The following APBB1 variants were observed in gnomAD, a reference collection of about 807,000 sequenced individuals.
APBB1 encodes adaptor protein FE65a2.
Under a neutral mutation model 78.4 loss-of-function variants are expected in APBB1, and 22 were observed. The ratio of observed to expected loss-of-function variants is 0.28; its 90% CI spans 0.20 to 0.40. APBB1 has a LOEUF of 0.40. Ranked by LOEUF, APBB1 falls within the 10% of genes least tolerant of loss-of-function variation. The pLI is 1.00. For missense variants in APBB1, 749 were observed against 932.4 expected, an observed-to-expected ratio of 0.80 and a Z score of 2.56; for synonymous variants, 369 against 372.7, an observed-to-expected ratio of 0.99 and a Z score of 0.12.
At chr11:6,396,486 G>T (rs185324417) in intron 12 of APBB1, 23 of 411,500 alleles carry the variant, frequency 5.6e-5, no homozygotes, top group Non-Finnish European at 7.8e-5. Flanking sequence ...CTTCTGAACT[G>T]ACTGACCTCT....
At position 6,401,833 on chromosome 11, in the gene APBB1, G is replaced by C. The variant is rs77776071; in HGVS notation, c.1388+144C>G. The stretch of plus-strand genomic sequence containing the variant: ...TCCCCCATAGGTGCTGCCTTCTTGG[G>C]GGGGAGGGGTAGACAGGCAAGCATG... On this transcript the variant is annotated intron_variant, in intron 9 of 14. Coordinates refer to ENST00000609360, the MANE Select transcript of APBB1 (RefSeq NM_001164.5). The surrounding 1 kb of genome is among the most constrained non-coding windows in gnomAD (Gnocchi z 4.5). 5.6e-5 allele frequency: 79 copies of C among 1,423,210 alleles called. No individual in the cohort carries two copies. Among genetic ancestry groups the C allele is most frequent in the East Asian group, 4.0e-4 (17 of 42,218 alleles). The allele number at this position is 1,423,210 out of a possible 1,614,324, so 88.2% of individuals were successfully genotyped here.
intron 6 of APBB1, 177 bp from the exon 7 acceptor site, chr11:6,402,902 C>T (rs1848604136): frequency 4.8e-6 from 4 of 837,716 alleles, no homozygotes; most frequent in Non-Finnish European, 7.3e-6. Context: ...TCAGATGAGA[C>T]CCCAGCTAGT....
Position 6,401,606 on chromosome 11 carries a change from T to A in APBB1, c.1471A>T (p.Ile491Phe), listed in dbSNP as rs757216770. 1 of 1,614,136 alleles carries A rather than the reference T, an allele frequency of 6.2e-7. No individual in the cohort carries two copies. The highest frequency in any genetic ancestry group is 8.5e-7 in the Non-Finnish European group (1 of 1,180,032). Reference protein sequence around the residue: ...VFRCEAPAKNIATSLHEICSK... With the variant: ...VFRCEAPAKNFATSLHEICSK... ...CAGATCTCATGCAGGCTGGTGGCGA[T>A]GTTCTTGGCAGGTGCCTCACAGCGA... Residue 491 changes from isoleucine (I) to phenylalanine (F), a missense_variant, in exon 10 of 15, where the codon ATC becomes TTC. Physicochemically the swap from Ile to Phe is conservative, Grantham distance 21. Coordinates refer to ENST00000609360, the MANE Select transcript of APBB1 (RefSeq NM_001164.5). This position sits in a 1 kb window ranked among gnomAD's most constrained non-coding sequence, Gnocchi z 4.5.
At chr11:6,402,287 A>T in intron 7 of APBB1, 78 bp from the exon 8 acceptor site, 2 of 1,571,126 alleles carry the variant, frequency 1.3e-6, no homozygotes, top group African/African-American at 1.3e-5. Flanking sequence ...AGCTCAGGGG[A>T]TGTTAGCCAC....
chr11:6,395,827 T>C lies in APBB1; in HGVS notation c.1924A>G (p.Asn642Asp). The change falls in exon 14 of 15, where the codon AAT becomes GAT. Residue 642 changes from asparagine to aspartate, a missense_variant. This residue lies in a region of APBB1 where 96 missense variants were observed against 116.0 expected (regional missense o/e 0.83). Coordinates refer to ENST00000609360, the MANE Select transcript of APBB1 (RefSeq NM_001164.5). This position sits in a 1 kb window ranked among gnomAD's most constrained non-coding sequence, Gnocchi z 5.2. The stretch of plus-strand genomic sequence containing the variant: ...ACAGCCTCTGAGAGGCTGGCAGCAT[T>C]GGGCTCGCACCAGAACATGTGGCAG... ...FCCHMFWCEP[N>D]AASLSEAVQA... 1.9e-6 allele frequency: 3 copies of C among 1,614,130 alleles called. No individual in the cohort carries two copies. The highest frequency in any genetic ancestry group is 2.5e-6 in the Non-Finnish European group (3 of 1,180,022).
At position 6,411,357 on chromosome 11, in the gene APBB1, A is replaced by G. The variant is rs548197160; in HGVS notation, c.-10T>C. The G allele has an allele frequency of 4.6e-6, 7 of 1,529,728 alleles. No individual in the cohort carries two copies. In the South Asian group the frequency reaches 9.1e-5, roughly 20 times the overall value. 94.8% of individuals were successfully genotyped at this position (1,529,728 alleles called of 1,614,324 possible). A position where few individuals can be genotyped will look rare whatever the true frequency, so the allele number is the denominator to read the frequency against. On this transcript the variant is annotated 5_prime_UTR_variant, in exon 2 of 15. Transcript: ENST00000609360. The surrounding 1 kb of genome is among the most constrained non-coding windows in gnomAD (Gnocchi z 5.2). The stretch of plus-strand genomic sequence containing the variant: ...ATGATGGAACAGACATGGCCTTGGC[A>G]GCTCCTGTGGGGTGCGGAGGGGAGA...
intron 2 of APBB1, 53 bp downstream of exon 2, chr11:6,410,574 T>C: frequency 2.0e-6 from 3 of 1,475,870 alleles, no homozygotes; most frequent in Non-Finnish European, 2.7e-6. Context: ...ATGAGAGTCC[T>C]AACCTCTGCC....
intron 2 of APBB1, among the ~76,000 whole-genome samples, chr11:6,407,317 C>T (rs1021651610): frequency 2.7e-4 from 41 of 152,166 alleles, no homozygotes; most frequent in Admixed American, 7.2e-4. Context: ...CCAGCAAACC[C>T]GCCCCAGCTC....
intron 1 of APBB1, among the ~76,000 whole-genome samples, chr11:6,414,137 C>T (rs1310313417): frequency 2.6e-5 from 4 of 152,272 alleles, no homozygotes; most frequent in East Asian, 1.9e-4. Flanking sequence ...TCCCCACCTC[C>T]CGCCTCCTTT....
intron 2 of APBB1, chr11:6,404,686 A>C (rs1848712649): frequency 6.5e-7 from 1 of 1,535,368 alleles, no homozygotes. Flanking sequence ...GCGTCCTCTA[A>C]CTCTTCTCTC....
At chr11:6,397,646 T>C (rs556628492) in intron 12 of APBB1, among the ~76,000 whole-genome samples, 25 of 152,330 alleles carry the variant, frequency 1.6e-4, no homozygotes, top group Middle Eastern at 3.4e-3. Context: ...TAGGAAGCCA[T>C]GCCTGCTGCA....
intron 2 of APBB1, among the ~76,000 whole-genome samples, chr11:6,408,641 A>C (rs1288542596): frequency 6.6e-6 from 1 of 151,888 alleles, no homozygotes; most frequent in Non-Finnish European, 1.5e-5. Context: ...AGTAGCTGGG[A>C]TTACAGGCGT....
Position 6,410,658 on chromosome 11 carries a change from G to A in APBB1, c.690C>T (p.Gly230=). 1 of 1,518,604 alleles carries A rather than the reference G, an allele frequency of 6.6e-7. No homozygotes were observed. Among genetic ancestry groups the A allele is most frequent in the Non-Finnish European group, 8.8e-7 (1 of 1,134,488 alleles). The allele number at this position is 1,518,604 out of a possible 1,614,324, so 94.1% of individuals were successfully genotyped here. ...CCTCTGGGGAGCCATAGGAGGGGCT[G>A]CCCTGGGATAAGGTAGCCCAGCTTG... ...EDSSWATLSQ[G]SPSYGSPEDT... Residue 230 remains glycine, a synonymous_variant, in exon 2 of 15, where the codon GGC becomes GGT. Coordinates refer to ENST00000609360, the MANE Select transcript of APBB1 (RefSeq NM_001164.5).
chr11:6,405,309 G>A, intron 2 of APBB1: 1 of 988,474 alleles, frequency 1.0e-6, no homozygotes, highest in Non-Finnish European at 1.2e-6. Context: ...TGAACCCAAG[G>A]GTGGGCTTTG....
intron 12 of APBB1, among the ~76,000 whole-genome samples, chr11:6,398,959 T>A (rs1848362975): frequency 2.0e-5 from 3 of 152,240 alleles, no homozygotes. Context: ...TTAATTCATT[T>A]TTTATTTCAT....
chr11:6,402,718 G>T lies in APBB1; in HGVS notation c.1112C>A (p.Ala371Asp), dbSNP rs1451983960. 11 of 1,614,116 alleles carry T rather than the reference G, an allele frequency of 6.8e-6. No individual in the cohort carries two copies. The highest frequency in any genetic ancestry group is 8.5e-6 in the Non-Finnish European group (10 of 1,179,986). ...CTCTACCCAGCCTAGGGAGCGCACG[G>T]CGAAACACTGCCAGACACAGAAGAG... Reference protein sequence around the residue: ...RNTNPGIKCFAVRSLGWVEMT... With the variant: ...RNTNPGIKCFDVRSLGWVEMT... Residue 371 changes from alanine (A) to aspartate (D), a missense_variant, in exon 7 of 15, where the codon GCC becomes GAC. By Grantham distance (126) the Ala-to-Asp change is moderately radical. Around this residue, in one of 3 missense-constraint regions of APBB1, gnomAD observed 635 missense variants for 765.0 expected, o/e 0.83. Coordinates refer to ENST00000609360, the MANE Select transcript of APBB1 (RefSeq NM_001164.5).
intron 2 of APBB1, among the ~76,000 whole-genome samples, chr11:6,407,514 G>A (rs891604928): frequency 3.3e-5 from 5 of 152,244 alleles, no homozygotes; most frequent in African/African-American, 1.2e-4. Flanking sequence ...TAGATTGTGT[G>A]TGGCCTGCAC....
Position 6,410,675 on chromosome 11 carries a change from C to T in APBB1, c.673G>A (p.Ala225Thr). The T allele has an allele frequency of 6.6e-7, 1 of 1,521,350 alleles. No homozygotes were observed. Among genetic ancestry groups the T allele is most frequent in the Non-Finnish European group, 8.8e-7 (1 of 1,135,224 alleles). 94.2% of individuals were successfully genotyped at this position (1,521,350 alleles called of 1,614,324 possible). A position where few individuals can be genotyped will look rare whatever the true frequency, so the allele number is the denominator to read the frequency against. The change falls in exon 2 of 15, where the codon GCT (alanine) becomes ACT (threonine). Residue 225 changes from alanine to threonine, a missense_variant. Coordinates refer to ENST00000609360, the MANE Select transcript of APBB1 (RefSeq NM_001164.5). ...GAGGGGCTGCCCTGGGATAAGGTAG[C>T]CCAGCTTGAGTCCTCATCACTGGCT... ...SAASDEDSSW[A>T]TLSQGSPSYG...
At chr11:6,406,835 T>A (rs1240412031) in intron 2 of APBB1, among the ~76,000 whole-genome samples, 2 of 152,176 alleles carry the variant, frequency 1.3e-5, no homozygotes, top group African/African-American at 4.8e-5. Context: ...CCTCCTGTAC[T>A]TCCCCAGCCC....
Sources: gnomAD v4.1 joint callset for allele counts (sites outside exome capture counted in the v4.1 genomes callset) on GRCh38, gnomAD v4.1.1 for gene constraint, gnomAD v4.1.1 regional missense constraint, Gnocchi (gnomAD v3.1) non-coding constraint, MANE v1.5 for transcripts, NCBI Gene and HGNC (gene_info 2026-07-23, HGNC 2026-07-21) for gene names.